Variants in DNAH5 observed in about 807,000 individuals in gnomAD.
DNAH5 encodes the protein dynein axonemal heavy chain 5.
DNAH5 carries 372 observed loss-of-function variants against 518.2 expected under a neutral mutation model. That is an observed-to-expected ratio of 0.72 (90% CI 0.66 to 0.78). The LOEUF (loss-of-function observed/expected upper bound fraction) is 0.78, where lower values mean the gene tolerates loss of function less well. Among genes scored for constraint, DNAH5 ranks in the 30% least tolerant of loss-of-function variants. The pLI is 0.00. For synonymous variants in DNAH5, 2,039 were observed against 2,025.9 expected (o/e 1.01, Z -0.17); for missense variants, 5,523 against 5,687.0 (o/e 0.97, Z 0.93).
intron 42 of DNAH5, among the ~76,000 whole-genome samples, chr5:13,817,327 TA>T (rs1045436408): frequency 6.6e-5 from 10 of 152,226 alleles, no homozygotes; most frequent in Admixed American, 2.6e-4. Flanking sequence ...GATACAGACA[TA>T]TTTTTTTAGA....
Position 13,890,988 on chromosome 5 carries a change from G to C in DNAH5, c.2565C>G (p.Leu855=). The change falls in exon 17 of 79, where the codon CTC becomes CTG. Residue 855 remains leucine (L), a synonymous_variant. Coordinates refer to ENST00000265104, the MANE Select transcript of DNAH5 (RefSeq NM_001369.3). ...AGGTTTTAATGACCTTTGTCATTTG[G>C]AGAAACTCTTCACAGGTTAGTGGCT... is the stretch of plus-strand genomic sequence containing the variant. ...QEEPLTCEEF[L]QMTKDLCVNG... is the part of the protein sequence containing the mutation. 6.2e-7 allele frequency: 1 copy of C among 1,614,064 alleles called. No individual in the cohort carries two copies. The highest frequency in any genetic ancestry group is 1.7e-5 in the Admixed American group (1 of 60,012).
At chr5:13,770,710 C>T (rs1180803881) in intron 56 of DNAH5, 39 bp downstream of exon 56, 7 of 1,582,174 alleles carry the variant, frequency 4.4e-6, no homozygotes, top group South Asian at 2.2e-5. Context: ...TTGAGAGCCA[C>T]GGCTTTAATA....
chr5:13,777,323 A>T lies in DNAH5; in HGVS notation c.8984T>A (p.Leu2995Gln), dbSNP rs769448744. Reference sequence around the variant, plus strand: ...ACCAGCTGTTCGATACAAAACCTTCAGATCTTCCATCAGATTTGATGTGTT... The same window carrying T: ...ACCAGCTGTTCGATACAAAACCTTCTGATCTTCCATCAGATTTGATGTGTT... ...SYNTSNLMED[L>Q]KVLYRTAGQQ... Residue 2995 changes from leucine (L) to glutamine (Q), a missense_variant, in exon 54 of 79, where the codon CTG becomes CAG. Leu to Gln is a moderately radical substitution (Grantham distance 113). This residue lies in a region of DNAH5 where 5,121 missense variants were observed against 5,223.3 expected (regional missense o/e 0.98). Coordinates refer to ENST00000265104, the MANE Select transcript of DNAH5 (RefSeq NM_001369.3). 1.9e-6 allele frequency: 3 copies of T among 1,613,450 alleles called. No individual in the cohort carries two copies. The South Asian group carries it at 3.3e-5, about 18-fold the overall frequency.
In DNAH5 at chr5:13,717,714, A is replaced by C. The variant is rs30171; in HGVS notation, c.12500-194T>G. Among the ~76,000 whole-genome samples, 59,910 of 151,980 alleles carry C rather than the reference A, an allele frequency of 0.39. 11,929 individuals are homozygous for C. The highest frequency in any genetic ancestry group is 0.44 in the Middle Eastern group (130 of 294). Reference sequence around the variant, plus strand: ...GGCCATTTCTCTCTGAAAAATCTTCAAAGAGACTTTGGGGAGGGGAGGAGC... The same window carrying C: ...GGCCATTTCTCTCTGAAAAATCTTCCAAGAGACTTTGGGGAGGGGAGGAGC... On this transcript the variant is annotated intron_variant, in intron 72 of 78. Coordinates refer to ENST00000265104, the MANE Select transcript of DNAH5 (RefSeq NM_001369.3).
chr5:13,805,011 G>A (rs1759358853), intron 47 of DNAH5, among the ~76,000 whole-genome samples: 1 of 152,130 alleles, frequency 6.6e-6, no homozygotes, highest in Admixed American at 6.5e-5. Context: ...AGATTGGACT[G>A]GCCTTTGTTC....
In DNAH5 at chr5:13,772,099, A is replaced by C. The variant is rs151236042; in HGVS notation, c.9374-1119T>G. ...AGTACAAAGAACGGTTTAAACTCTAAGAAGTTCAAGTCTAGGTACTGGAAC... is the reference window on the plus strand; with the variant it reads ...AGTACAAAGAACGGTTTAAACTCTACGAAGTTCAAGTCTAGGTACTGGAAC... On this transcript the variant is annotated intron_variant, in intron 55 of 78. Transcript: ENST00000265104. Among the ~76,000 whole-genome samples the C allele has an allele frequency of 2.4e-4, 37 of 152,324 alleles. No individual in the cohort carries two copies. In the East Asian group the frequency reaches 7.1e-3, roughly 29 times the overall value.
chr5:13,811,099 GT>G lies in DNAH5; in HGVS notation c.7407+547del, dbSNP rs557782589. On this transcript the variant is annotated intron_variant, in intron 44 of 78. Coordinates refer to ENST00000265104, the MANE Select transcript of DNAH5 (RefSeq NM_001369.3). ...AGGCTAGGAAGGGGAGTGGGGAGGG[GT>G]GAGGAAATGGGGATGATGAATGGGT... Among the ~76,000 whole-genome samples the G allele has an allele frequency of 4.1e-4, 63 of 152,198 alleles. No individual in the cohort carries two copies. The South Asian group carries it at 6.4e-3, about 16-fold the overall frequency.
chr5:13,841,610 T>C, intron 33 of DNAH5, 82 bp downstream of exon 33: 1 of 1,112,458 alleles, frequency 9.0e-7, no homozygotes, highest in South Asian at 1.3e-5. Context: ...ATTATAGCCA[T>C]TTTTGAAGCT....
intron 17 of DNAH5, among the ~76,000 whole-genome samples, chr5:13,889,483 C>T (rs1387543577): frequency 6.6e-6 from 1 of 152,186 alleles, no homozygotes; most frequent in Non-Finnish European, 1.5e-5. Flanking sequence ...GAAAGTCCTG[C>T]TTGGGAGGTG....
At position 13,987,858 on chromosome 5, in the gene DNAH5, T is replaced by G. The variant is rs1052364028; in HGVS notation, c.12+23790A>C. 2.6e-5 allele frequency among the ~76,000 whole-genome samples: 4 copies of G among 151,254 alleles called. No individual in the cohort carries two copies. In the South Asian group the frequency reaches 6.3e-4, roughly 24 times the overall value. ...AAGTCTCAAAAAAAAAAAAAACAAT[T>G]TAATCTTGTTTAATCTTAAATAAGA... On this transcript the variant is annotated intron_variant, in intron 1 of 78. Coordinates refer to the DNAH5 transcript ENST00000681290.
chr5:13,701,589 C>T (rs755310256), intron 76 of DNAH5, among the ~76,000 whole-genome samples, 153 bp from the exon 77 acceptor site: 1 of 151,836 alleles, frequency 6.6e-6, no homozygotes, highest in African/African-American at 2.4e-5. Flanking sequence ...TGGATTCTGG[C>T]GTAAGTGTTT....
chr5:13,923,924 T>C (rs1267452380), intron 3 of DNAH5, among the ~76,000 whole-genome samples: 1 of 152,094 alleles, frequency 6.6e-6, no homozygotes, highest in Non-Finnish European at 1.5e-5. Context: ...TGGGCACCTG[T>C]AATCCCAGCT....
chr5:13,727,419 A>T, intron 70 of DNAH5, 88 bp downstream of exon 70: 1 of 1,291,328 alleles, frequency 7.7e-7, no homozygotes, highest in Non-Finnish European at 1.1e-6. Flanking sequence ...TCTCACTGGA[A>T]TTCACATTTA....
At chr5:13,864,717 C>T in intron 27 of DNAH5, 80 bp from the exon 28 acceptor site, 1 of 1,469,412 alleles carries the variant, frequency 6.8e-7, no homozygotes, top group Non-Finnish European at 9.5e-7. Context: ...GCTAGTATTT[C>T]TATTAAAAAC....
rs536758297 is a variant in DNAH5, at chr5:13,853,206, C to T, written c.4951-2391G>A. On this transcript the variant is annotated intron_variant, in intron 30 of 78. Coordinates refer to ENST00000265104, the MANE Select transcript of DNAH5 (RefSeq NM_001369.3). The stretch of plus-strand genomic sequence containing the variant: ...GCAATCTTTGCTGTTCTGCAGCCTC[C>T]GCTGGTGATACCCAGGCAAACAGGG... 5.6e-4 allele frequency among the ~76,000 whole-genome samples: 86 copies of T among 152,304 alleles called. 1 individual carries two copies. The highest frequency in any genetic ancestry group is 1.0e-3 in the Non-Finnish European group (69 of 68,028).
At chr5:13,804,822 G>A (rs1230571428) in intron 47 of DNAH5, among the ~76,000 whole-genome samples, 2 of 152,108 alleles carry the variant, frequency 1.3e-5, no homozygotes, top group Non-Finnish European at 2.9e-5. Flanking sequence ...TTTATTATAT[G>A]GTTTATGAAT....
rs1321850022 is a variant in DNAH5, at chr5:13,919,242, T to G, written c.909A>C (p.Gln303His). Residue 303 changes from glutamine to histidine, a missense_variant, in exon 7 of 79, where the codon CAA becomes CAC. Around this residue, in one of 3 missense-constraint regions of DNAH5, gnomAD observed 5,121 missense variants for 5,223.3 expected, o/e 0.98. Coordinates refer to ENST00000265104, the MANE Select transcript of DNAH5 (RefSeq NM_001369.3). Reference protein sequence around the residue: ...RLSKFNYLLEQLKSPDVKAVL... With the variant: ...RLSKFNYLLEHLKSPDVKAVL... The stretch of plus-strand genomic sequence containing the variant: ...CAGCCTTCACATCCGGGCTTTTCAA[T>G]TGTTCCAAAAGGTAGTTAAACTTGG... 3 of 1,614,152 alleles carry G rather than the reference T, an allele frequency of 1.9e-6. No homozygotes were observed. Among genetic ancestry groups the G allele is most frequent in the Admixed American group, 3.3e-5 (2 of 60,014 alleles).
intron 53 of DNAH5, among the ~76,000 whole-genome samples, chr5:13,778,989 A>G (rs983050583): frequency 1.3e-5 from 2 of 152,232 alleles, no homozygotes; most frequent in African/African-American, 4.8e-5. Flanking sequence ...ACTAGAAACC[A>G]GAAATCCTAC....
chr5:13,957,082 C>T (rs924804734), intron 1 of DNAH5, among the ~76,000 whole-genome samples: 15 of 152,318 alleles, frequency 9.8e-5, no homozygotes, highest in Non-Finnish European at 1.8e-4. Flanking sequence ...AGATTTACAG[C>T]ATTTCAATCT....
Sources: gnomAD v4.1 joint callset for allele counts (sites outside exome capture counted in the v4.1 genomes callset) on GRCh38, gnomAD v4.1.1 for gene constraint, gnomAD v4.1.1 regional missense constraint, MANE v1.5 for transcripts, NCBI Gene and HGNC (gene_info 2026-07-23, HGNC 2026-07-21) for gene names.